Variants in FAT3 observed in about 807,000 individuals in gnomAD.
FAT3 encodes FAT atypical cadherin 3.
In FAT3, 95 loss-of-function variants were observed where a neutral mutation model predicts 310.2. That is an observed-to-expected ratio of 0.31 (90% CI 0.26 to 0.36). The LOEUF (loss-of-function observed/expected upper bound fraction) is 0.36. Among genes scored for constraint, FAT3 ranks in the 10% least tolerant of loss-of-function variants. The probability of loss-of-function intolerance (pLI) is 1.00; values close to 1 mark genes in which losing one functional copy is unlikely to be tolerated. For synonymous variants in FAT3, 2,314 were observed against 2,192.9 expected (o/e 1.06, Z -1.54); for missense variants, 5,408 against 5,715.6 (o/e 0.95, Z 1.74).
intron 3 of FAT3, among the ~76,000 whole-genome samples, chr11:92,528,334 C>T (rs1953944189): frequency 6.6e-6 from 1 of 152,192 alleles, no homozygotes; most frequent in Admixed American, 6.5e-5. Flanking sequence ...ATGCAGCCTA[C>T]CCCCATGTCT....
At chr11:92,853,166 A>T (rs1327153423) in intron 19 of FAT3, among the ~76,000 whole-genome samples, 1 of 152,232 alleles carries the variant, frequency 6.6e-6, no homozygotes, top group Non-Finnish European at 1.5e-5. Flanking sequence ...ACAGCCAGGC[A>T]TGCTGGCACA....
intron 13 of FAT3, among the ~76,000 whole-genome samples, chr11:92,830,965 C>G (rs1419774975): frequency 1.3e-5 from 2 of 152,194 alleles, no homozygotes. Flanking sequence ...CTGCCTTGTT[C>G]AGGCCGCCAA....
At chr11:92,402,764 A>C (rs1950047557) in intron 2 of FAT3, among the ~76,000 whole-genome samples, 1 of 151,034 alleles carries the variant, frequency 6.6e-6, no homozygotes, top group Admixed American at 6.6e-5. Flanking sequence ...AAGAAAAAGA[A>C]CTTTCCAACA....
At chr11:92,436,359 C>A (rs905580461) in intron 2 of FAT3, among the ~76,000 whole-genome samples, 2 of 152,128 alleles carry the variant, frequency 1.3e-5, no homozygotes, top group East Asian at 3.9e-4. Context: ...CCAAGCTGGT[C>A]TCCAGCTCTT....
intron 3 of FAT3, among the ~76,000 whole-genome samples, chr11:92,600,356 T>C (rs1939954828): frequency 6.6e-6 from 1 of 152,208 alleles, no homozygotes; most frequent in East Asian, 1.9e-4. Flanking sequence ...AGATGGTTGC[T>C]GCCCTCAAGG....
intron 2 of FAT3, among the ~76,000 whole-genome samples, chr11:92,518,846 A>G (rs1021919622): frequency 1.3e-5 from 2 of 152,152 alleles, no homozygotes; most frequent in African/African-American, 2.4e-5. Flanking sequence ...GACAAAAGAT[A>G]TGTAAGCTTT....
At chr11:92,854,110 C>G (rs1948906734) in intron 19 of FAT3, among the ~76,000 whole-genome samples, 1 of 152,204 alleles carries the variant, frequency 6.6e-6, no homozygotes, top group South Asian at 2.1e-4. Context: ...CATCTATGCA[C>G]AAAGTTGAGA....
intron 2 of FAT3, among the ~76,000 whole-genome samples, chr11:92,509,626 AG>A (rs1953226818): frequency 6.6e-6 from 1 of 152,200 alleles, no homozygotes; most frequent in South Asian, 2.1e-4. Context: ...TTATTGGACT[AG>A]TGGGCAAGTG....
chr11:92,383,760 C>T (rs192495454), intron 2 of FAT3, among the ~76,000 whole-genome samples: 1 of 152,224 alleles, frequency 6.6e-6, no homozygotes, highest in Admixed American at 6.5e-5. Context: ...TTGCTGACAT[C>T]CAGATATGCC....
At chr11:92,640,578 A>C (rs145071667) in intron 3 of FAT3, among the ~76,000 whole-genome samples, 1 of 152,230 alleles carries the variant, frequency 6.6e-6, no homozygotes, top group African/African-American at 2.4e-5. Flanking sequence ...ACACAGAGTC[A>C]TAAAATAGTT....
At chr11:92,618,585 G>C (rs1385158109) in intron 3 of FAT3, among the ~76,000 whole-genome samples, 4 of 152,154 alleles carry the variant, frequency 2.6e-5, no homozygotes, top group African/African-American at 9.7e-5. Flanking sequence ...GACTGGAGCT[G>C]TTCCTATTCG....
chr11:92,674,812 A>T (rs1051024371), intron 3 of FAT3, among the ~76,000 whole-genome samples: 2 of 152,188 alleles, frequency 1.3e-5, no homozygotes, highest in African/African-American at 4.8e-5. Context: ...TACAGGCATA[A>T]GCCACTAGCT....
chr11:92,402,317 G>GA (rs1475674315), intron 2 of FAT3, among the ~76,000 whole-genome samples: 2 of 152,090 alleles, frequency 1.3e-5, no homozygotes, highest in African/African-American at 2.4e-5. Flanking sequence ...AAAGGATGGG[G>GA]AAAAAAGAGA....
intron 25 of FAT3, 73 bp downstream of exon 25, chr11:92,887,186 G>A: frequency 3.0e-6 from 4 of 1,329,670 alleles, no homozygotes; most frequent in East Asian, 2.5e-5. Flanking sequence ...GTTGGGAGGA[G>A]GGTGGTGCAA....
chr11:92,373,770 A>G (rs1386383422), intron 2 of FAT3, among the ~76,000 whole-genome samples: 2 of 68,532 alleles, frequency 2.9e-5, no homozygotes, highest in African/African-American at 6.6e-4. Context: ...GCACACACAC[A>G]CACACACACA....
chr11:92,573,354 G>A (rs1227796485), intron 3 of FAT3, among the ~76,000 whole-genome samples: 1 of 152,106 alleles, frequency 6.6e-6, no homozygotes, highest in Non-Finnish European at 1.5e-5. Context: ...ATCCCAGCAG[G>A]AAGACTCTCA....
At chr11:92,390,398 C>T (rs1349750239) in intron 2 of FAT3, among the ~76,000 whole-genome samples, 1 of 152,112 alleles carries the variant, frequency 6.6e-6, no homozygotes. Flanking sequence ...CTAGCCATGA[C>T]CATCTCAGGG....
At position 92,798,445 on chromosome 11, in the gene FAT3, T is replaced by C; in HGVS notation, c.5432T>C (p.Leu1811Pro). Reference sequence around the variant, plus strand: ...GCTGACAGCAACCGGAATGCTCTGCTTGTGTATCAGATTGTGGAGTCAACA... The same window carrying C: ...GCTGACAGCAACCGGAATGCTCTGCCTGTGTATCAGATTGTGGAGTCAACA... ...TDADSNRNAL[L>P]VYQIVESTAK... Residue 1811 changes from leucine (L) to proline (P), a missense_variant, in exon 10 of 28, where the codon CTT (leucine) becomes CCT (proline). Coordinates refer to ENST00000525166, the MANE Select transcript of FAT3 (RefSeq NM_001367949.2). The C allele has an allele frequency of 6.2e-7, 1 of 1,613,550 alleles. No homozygotes were observed. Among genetic ancestry groups the C allele is most frequent in the Non-Finnish European group, 8.5e-7 (1 of 1,179,822 alleles).
At chr11:92,423,097 T>C (rs1466965165) in intron 2 of FAT3, among the ~76,000 whole-genome samples, 2 of 152,162 alleles carry the variant, frequency 1.3e-5, no homozygotes, top group Non-Finnish European at 2.9e-5. Context: ...GCAAAGACTG[T>C]ATGGAGTATA....
Sources: allele counts gnomAD v4.1 joint callset (sites outside exome capture counted in the v4.1 genomes callset), GRCh38; gene constraint gnomAD v4.1.1; transcripts MANE v1.5; gene names NCBI Gene and HGNC (gene_info 2026-07-23, HGNC 2026-07-21).